Variants in SLC5A8 observed in about 807,000 individuals in gnomAD.
SLC5A8 encodes the protein sodium-coupled monocarboxylate transporter 1.
In SLC5A8, 55 loss-of-function variants were observed where a neutral mutation model predicts 71.9. The observed-to-expected ratio is 0.77, with a 90% confidence interval of 0.62 to 0.96. The LOEUF is 0.96. Among genes scored for constraint, SLC5A8 ranks in the 40% least tolerant of loss-of-function variants. SLC5A8 has a pLI of 0.00. For missense variants in SLC5A8, 701 were observed against 745.3 expected (o/e 0.94, Z 0.69); for synonymous variants, 307 against 276.1 (o/e 1.11, Z -1.11).
Position 101,204,534 on chromosome 12 carries a change from C to A in SLC5A8, c.383G>T (p.Arg128Leu). 1 of 1,598,898 alleles carries A rather than the reference C, an allele frequency of 6.3e-7. No individual in the cohort carries two copies. The highest frequency in any genetic ancestry group is 8.5e-7 in the Non-Finnish European group (1 of 1,175,120). ...AATGAAGAGGACTGTTCCACAGAGA[C>A]GAACACATTTGTTAAATCGAAGTTC... The part of the protein sequence containing the change: ...YLELRFNKCV[R>L]LCGTVLFIVQ... Residue 128 changes from arginine (R) to leucine (L), a missense_variant, in exon 2 of 15, where the codon CGT (arginine) becomes CTT (leucine). Coordinates refer to ENST00000536262, the MANE Select transcript of SLC5A8 (RefSeq NM_145913.5).
Position 101,179,007 on chromosome 12 carries a change from A to C in SLC5A8, c.1233+1022T>G, listed in dbSNP as rs1468495884. On this transcript the variant is annotated intron_variant, in intron 10 of 14. Transcript: ENST00000536262. ...GAACATGAGCAAAAGACATTATGAG[A>C]TAATGTATGAAAGAAGATACATAGA... Among the ~76,000 whole-genome samples the C allele has an allele frequency of 2.0e-5, 3 of 152,230 alleles. No homozygotes were observed. The East Asian group carries it at 5.8e-4, about 29-fold the overall frequency.
intron 1 of SLC5A8, among the ~76,000 whole-genome samples, chr12:101,205,789 A>T (rs1333632252): frequency 6.6e-6 from 1 of 152,222 alleles, no homozygotes; most frequent in Non-Finnish European, 1.5e-5. Flanking sequence ...CACAGTACAC[A>T]TTTAAAACCT....
At chr12:101,194,877 T>A (rs1869093947) in intron 4 of SLC5A8, among the ~76,000 whole-genome samples, 1 of 152,132 alleles carries the variant, frequency 6.6e-6, no homozygotes, top group African/African-American at 2.4e-5. Context: ...ACCATTGCAA[T>A]GGATCAGATA....
chr12:101,185,035 A>T lies in SLC5A8; in HGVS notation c.964-813T>A, dbSNP rs1223794314. ...CCTTATTGATTACTTCTCCCACAGT[A>T]CAGAGTAGATGACATGTCCTATTTT... On this transcript the variant is annotated intron_variant, in intron 7 of 14. Transcript: ENST00000536262. 2.0e-5 allele frequency among the ~76,000 whole-genome samples: 3 copies of T among 152,214 alleles called. No homozygotes were observed. In the East Asian group the frequency reaches 5.8e-4, roughly 29 times the overall value.
Position 101,167,692 on chromosome 12 carries a change from G to C in SLC5A8, c.1320+404C>G, listed in dbSNP as rs144948292. 3.1e-3 allele frequency among the ~76,000 whole-genome samples: 470 copies of C among 152,322 alleles called. 4 individuals are homozygous for C. Among genetic ancestry groups the C allele is most frequent in the African/African-American group, 0.011 (451 of 41,578 alleles). On this transcript the variant is annotated intron_variant, in intron 11 of 14. Coordinates refer to ENST00000536262, the MANE Select transcript of SLC5A8 (RefSeq NM_145913.5). ...AGAAAATTCCTGGCCAAGGTGGTAAGATTGTGTTCCTTCTCTTTGCTGTGC... is the reference window on the plus strand; with the variant it reads ...AGAAAATTCCTGGCCAAGGTGGTAACATTGTGTTCCTTCTCTTTGCTGTGC...
rs779967974 is a variant in SLC5A8, at chr12:101,202,217, T to C, written c.418-2A>G. ...AATAACAATTCCAGTATACAGAATC[T>C]AGGGGGGAGAAAGAAAGCCAAATGA... On this transcript the variant is annotated splice_acceptor_variant, in intron 2 of 14. Transcript: ENST00000536262. LOFTEE classifies it high-confidence loss of function. 7.6e-6 allele frequency: 12 copies of C among 1,572,342 alleles called. No homozygotes were observed. The Admixed American group carries it at 2.1e-4, about 28-fold the overall frequency.
intron 3 of SLC5A8, among the ~76,000 whole-genome samples, chr12:101,196,191 T>C (rs1869170249): frequency 6.6e-6 from 1 of 152,126 alleles, no homozygotes; most frequent in Admixed American, 6.5e-5. Flanking sequence ...GGCCCCACTG[T>C]GTGTTGTTCT....
intron 14 of SLC5A8, 94 bp downstream of exon 14, chr12:101,158,155 T>C: frequency 1.1e-6 from 1 of 881,860 alleles, no homozygotes. Flanking sequence ...TCCTTGTCCA[T>C]CACTTTTCAA....
intron 1 of SLC5A8, among the ~76,000 whole-genome samples, chr12:101,208,940 G>A (rs532197914): frequency 3.0e-4 from 46 of 152,302 alleles, no homozygotes; most frequent in African/African-American, 1.1e-3. Flanking sequence ...CAGCTAGTAA[G>A]TGGTAGAATC....
At chr12:101,183,932 C>T (rs1032179463) in intron 8 of SLC5A8, among the ~76,000 whole-genome samples, 3 of 152,150 alleles carry the variant, frequency 2.0e-5, no homozygotes, top group East Asian at 1.9e-4. Flanking sequence ...GAGCAGGGAC[C>T]TAGTTAAAAG....
chr12:101,179,045 C>T (rs913647572), intron 10 of SLC5A8, among the ~76,000 whole-genome samples: 3 of 151,990 alleles, frequency 2.0e-5, no homozygotes, highest in Admixed American at 6.6e-5. Context: ...AAAAATAAGT[C>T]GCTGAAAAAC....
At chr12:101,158,710 T>C (rs1257805330) in intron 13 of SLC5A8, among the ~76,000 whole-genome samples, 1 of 145,308 alleles carries the variant, frequency 6.9e-6, no homozygotes, top group African/African-American at 2.5e-5. Context: ...AGAGAAACAG[T>C]CATCTGGCCC....
chr12:101,182,368 C>T (rs1868406418), intron 9 of SLC5A8, among the ~76,000 whole-genome samples: 1 of 152,188 alleles, frequency 6.6e-6, no homozygotes, highest in African/African-American at 2.4e-5. Context: ...CTGAAACTGA[C>T]AGTGCCTTCT....
chr12:101,161,604 G>A (rs1490302546), intron 13 of SLC5A8, among the ~76,000 whole-genome samples: 2 of 152,196 alleles, frequency 1.3e-5, no homozygotes, highest in Non-Finnish European at 2.9e-5. Flanking sequence ...AAAAATATGT[G>A]TAAAATCCCT....
intron 9 of SLC5A8, among the ~76,000 whole-genome samples, chr12:101,180,879 AC>A (rs2051925607): frequency 6.6e-6 from 1 of 152,148 alleles, no homozygotes; most frequent in Non-Finnish European, 1.5e-5. Flanking sequence ...AAGTTTTCAA[AC>A]CACCACTGGT....
At chr12:101,173,565 G>C (rs756955278) in intron 10 of SLC5A8, among the ~76,000 whole-genome samples, 3 of 152,184 alleles carry the variant, frequency 2.0e-5, no homozygotes, top group Non-Finnish European at 2.9e-5. Flanking sequence ...GTTGCCTATG[G>C]GCTGCTGCCA....
intron 12 of SLC5A8, among the ~76,000 whole-genome samples, chr12:101,165,463 T>C (rs541953714): frequency 2.0e-5 from 3 of 152,130 alleles, no homozygotes; most frequent in Non-Finnish European, 2.9e-5. Context: ...AGTGCTTTCA[T>C]GCCTGTCCAG....
intron 12 of SLC5A8, among the ~76,000 whole-genome samples, chr12:101,162,559 G>T (rs180698820): frequency 6.6e-6 from 1 of 152,314 alleles, no homozygotes; most frequent in Non-Finnish European, 1.5e-5. Flanking sequence ...ATACCATGCA[G>T]CCATGAAAAA....
chr12:101,181,955 A>G (rs192850029), intron 9 of SLC5A8, among the ~76,000 whole-genome samples: 22 of 152,214 alleles, frequency 1.4e-4, no homozygotes, highest in African/African-American at 5.3e-4. Context: ...CAGTCTATTG[A>G]TGTTATTGTG....
Sources: allele counts gnomAD v4.1 joint callset (sites outside exome capture counted in the v4.1 genomes callset), GRCh38; gene constraint gnomAD v4.1.1; transcripts MANE v1.5; gene names NCBI Gene and HGNC (gene_info 2026-07-23, HGNC 2026-07-21).